Variants in TOX2 observed in about 807,000 individuals in gnomAD.
TOX2 encodes the protein TOX high mobility group box family member 2, also known as granulosa cell HMG box 1.
Under a neutral mutation model 47.4 loss-of-function variants are expected in TOX2, and 15 were observed. The ratio of observed to expected loss-of-function variants is 0.32; its 90% CI spans 0.21 to 0.49. The LOEUF (loss-of-function observed/expected upper bound fraction) is 0.49, where lower values mean the gene tolerates loss of function less well. Ranked by LOEUF, TOX2 falls within the 20% of genes least tolerant of loss-of-function variation. The pLI, the probability that TOX2 is intolerant of heterozygous loss-of-function variation, is 0.99. For missense variants in TOX2, 622 were observed against 673.1 expected (o/e 0.92, Z 0.84); for synonymous variants, 290 against 296.6 (o/e 0.98, Z 0.23).
chr20:44,051,055 G>A (rs1480591741), intron 3 of TOX2, among the ~76,000 whole-genome samples: 5 of 152,218 alleles, frequency 3.3e-5, no homozygotes, highest in South Asian at 2.1e-4. Flanking sequence ...AATGCAAAGC[G>A]TCTGTCCGAG....
chr20:44,028,274 C>T (rs2071095394), intron 3 of TOX2, among the ~76,000 whole-genome samples: 1 of 151,878 alleles, frequency 6.6e-6, no homozygotes, highest in South Asian at 2.1e-4. Flanking sequence ...CTGCCCCATT[C>T]CCAGAGGGGG....
At chr20:44,032,522 G>A (rs2071172621) in intron 3 of TOX2, among the ~76,000 whole-genome samples, 1 of 152,208 alleles carries the variant, frequency 6.6e-6, no homozygotes, top group African/African-American at 2.4e-5. Flanking sequence ...ATGGAGAGGG[G>A]TGATGGAGGG....
At chr20:43,959,806 T>C (rs1043429375) in intron 1 of TOX2, among the ~76,000 whole-genome samples, 1 of 152,202 alleles carries the variant, frequency 6.6e-6, no homozygotes, top group Non-Finnish European at 1.5e-5. Context: ...AATTGTCAAA[T>C]ACAAATATTG....
chr20:44,038,925 C>T (rs2071284625), intron 3 of TOX2: 4 of 1,182,214 alleles, frequency 3.4e-6, no homozygotes, highest in Admixed American at 3.6e-5. Context: ...ATTACATTCA[C>T]AGCCGCCTCG....
chr20:43,919,283 G>C (rs1462428871), intron 1 of TOX2, among the ~76,000 whole-genome samples: 1 of 152,194 alleles, frequency 6.6e-6, no homozygotes, highest in African/African-American at 2.4e-5. Context: ...CTGCCCTCTG[G>C]AGCTTATTTA....
At chr20:44,040,941 CGACA>C (rs1175248319) in intron 3 of TOX2, among the ~76,000 whole-genome samples, 3 of 152,030 alleles carry the variant, frequency 2.0e-5, no homozygotes, top group East Asian at 1.9e-4. Flanking sequence ...GAGATGCAGC[CGACA>C]GACAGGGGAG....
chr20:44,002,441 C>T (rs1219960921), intron 2 of TOX2, among the ~76,000 whole-genome samples: 1 of 152,226 alleles, frequency 6.6e-6, no homozygotes, highest in Non-Finnish European at 1.5e-5. Context: ...TCACTGTGTG[C>T]TCAACATTGC....
intron 1 of TOX2, among the ~76,000 whole-genome samples, chr20:43,956,420 G>T (rs2069669465): frequency 1.3e-5 from 2 of 152,120 alleles, no homozygotes; most frequent in Non-Finnish European, 2.9e-5. Context: ...AATTAGTTGG[G>T]CATGGTGGCG....
intron 3 of TOX2, among the ~76,000 whole-genome samples, chr20:44,010,100 T>A (rs1417237344): frequency 6.6e-6 from 1 of 152,204 alleles, no homozygotes; most frequent in Non-Finnish European, 1.5e-5. Flanking sequence ...CTATTATTAT[T>A]TGTAATAAAA....
Position 44,006,529 on chromosome 20 carries a change from G to A in TOX2, c.166-18G>A. 6.2e-7 allele frequency: 1 copy of A among 1,601,674 alleles called. No homozygotes were observed. Among genetic ancestry groups the A allele is most frequent in the Non-Finnish European group, 8.5e-7 (1 of 1,173,972 alleles). On this transcript the variant is annotated intron_variant, in intron 2 of 8. Coordinates refer to ENST00000341197, the MANE Select transcript of TOX2 (RefSeq NM_001098797.2). ...GTAAGGCACTGACCCCCACCGACAT[G>A]TCTTTTTGATGTTTTAGACCTACAA...
chr20:44,048,550 T>C (rs1468970120), intron 3 of TOX2, among the ~76,000 whole-genome samples: 1 of 151,090 alleles, frequency 6.6e-6, no homozygotes, highest in African/African-American at 2.4e-5. Context: ...CTAAGGAAAA[T>C]GTAATTTATA....
At chr20:43,992,264 T>C (rs967616458) in intron 2 of TOX2, among the ~76,000 whole-genome samples, 3 of 152,084 alleles carry the variant, frequency 2.0e-5, no homozygotes, top group Non-Finnish European at 2.9e-5. Context: ...ACGGCTGGGA[T>C]GGTCAAGAGC....
At chr20:43,933,931 A>G (rs1157017177) in intron 1 of TOX2, among the ~76,000 whole-genome samples, 3 of 152,088 alleles carry the variant, frequency 2.0e-5, no homozygotes, top group Non-Finnish European at 4.4e-5. Flanking sequence ...ACTGGGAGGC[A>G]GGACTCGGGC....
chr20:44,026,228 G>GATATATATATATAGATAGATAT lies in TOX2; in HGVS notation c.411+19449_411+19450insGATAGATATATATATATATATA, dbSNP rs1555842269. ...TCGATCGAGTGGATAAAGAAACTGT[G>GATATATATATATAGATAGATAT]ATATATATATATATATATATAGACA... On this transcript the variant is annotated intron_variant, in intron 3 of 8. Transcript: ENST00000341197. 6.6e-5 allele frequency among the ~76,000 whole-genome samples: 4 copies of GATATATATATATAGATAGATAT among 60,242 alleles called. 1 individual carries two copies. The highest frequency in any genetic ancestry group is 1.3e-4 in the Admixed American group (1 of 7,628). The allele number at this position is 60,242 out of a possible 152,430, so 39.5% of individuals were successfully genotyped here. A position where few individuals can be genotyped will look rare whatever the true frequency, so the allele number is the denominator to read the frequency against.
At chr20:44,054,963 A>G (rs6103585) in intron 5 of TOX2, among the ~76,000 whole-genome samples, 13,415 of 152,146 alleles carry the variant, frequency 0.088, 872 homozygotes, top group African/African-American at 0.18. Context: ...CAGCTGTGTG[A>G]CCTCAGCCTG....
At chr20:43,971,440 A>G (rs1347202074) in intron 1 of TOX2, among the ~76,000 whole-genome samples, 1 of 152,252 alleles carries the variant, frequency 6.6e-6, no homozygotes, top group Non-Finnish European at 1.5e-5. Flanking sequence ...CATCTGAGCC[A>G]GTTATCAAGC....
At chr20:43,932,415 G>A (rs770440761) in intron 1 of TOX2, among the ~76,000 whole-genome samples, 33 of 152,158 alleles carry the variant, frequency 2.2e-4, no homozygotes, top group Non-Finnish European at 3.4e-4. Flanking sequence ...ATTGTGGTAC[G>A]GTCTGATGCT....
rs759476701 is a variant in TOX2, at chr20:44,046,486, G to A, written c.412-4820G>A. 5.6e-4 allele frequency among the ~76,000 whole-genome samples: 85 copies of A among 152,186 alleles called. 1 individual carries two copies. Among genetic ancestry groups the A allele is most frequent in the African/African-American group, 2.0e-3 (84 of 41,444 alleles). ...TCTACTCAAGAGAATTGAAAGCAGAGTCTCCACGAGATACTTGTGCACCCA... is the reference window on the plus strand; with the variant it reads ...TCTACTCAAGAGAATTGAAAGCAGAATCTCCACGAGATACTTGTGCACCCA... On this transcript the variant is annotated intron_variant, in intron 3 of 8. Transcript: ENST00000341197.
chr20:44,004,204 G>A (rs1165616227), intron 2 of TOX2, among the ~76,000 whole-genome samples: 1 of 152,194 alleles, frequency 6.6e-6, no homozygotes, highest in Non-Finnish European at 1.5e-5. Context: ...AGGGGAAGGG[G>A]TATTATGATC....
Sources: allele counts gnomAD v4.1 joint callset (sites outside exome capture counted in the v4.1 genomes callset), GRCh38; gene constraint gnomAD v4.1.1; transcripts MANE v1.5; gene names NCBI Gene and HGNC (gene_info 2026-07-23, HGNC 2026-07-21).